Variants in CACNA1C observed in about 807,000 individuals in gnomAD.
CACNA1C encodes calcium voltage-gated channel subunit alpha1 C, also known as voltage-dependent L-type calcium channel subunit alpha-1C.
CACNA1C carries 30 observed loss-of-function variants against 229.0 expected under a neutral mutation model. That is an observed-to-expected ratio of 0.13 (90% CI 0.10 to 0.18). CACNA1C has a LOEUF of 0.18. CACNA1C is among the 10% of genes least tolerant of loss of function. CACNA1C has a pLI of 1.00. For synonymous variants in CACNA1C, 1,114 were observed against 1,132.5 expected, an observed-to-expected ratio of 0.98 and a Z score of 0.33; for missense variants, 1,658 against 2,845.0, an observed-to-expected ratio of 0.58 and a Z score of 9.49.
At chr12:2,592,555 A>C (rs1000241596) in intron 18 of CACNA1C, among the ~76,000 whole-genome samples, 1 of 152,214 alleles carries the variant, frequency 6.6e-6, no homozygotes, top group Admixed American at 6.5e-5. Context: ...CAAGCACAGG[A>C]ATAAGCTGTC....
chr12:2,622,562 C>T (rs1037981863), intron 29 of CACNA1C, among the ~76,000 whole-genome samples: 3 of 152,148 alleles, frequency 2.0e-5, no homozygotes, highest in African/African-American at 7.2e-5. Context: ...TTTCCTTTTC[C>T]CAGCTGTGCA....
In CACNA1C at chr12:2,486,316, C is replaced by A; in HGVS notation, c.916+54C>A. ...AGGCCCTGCCCTCTATCGCTCCCAG[C>A]ACCTTTCCCGCTGCTGGCTACACCA... On this transcript the variant is annotated intron_variant, in intron 6 of 46. Transcript: ENST00000399655. The surrounding 1 kb of genome is among the most constrained non-coding windows in gnomAD (Gnocchi z 4.9). The A allele has an allele frequency of 1.3e-6, 2 of 1,492,502 alleles. No homozygotes were observed. Among genetic ancestry groups the A allele is most frequent in the Non-Finnish European group, 1.8e-6 (2 of 1,089,926 alleles). The allele number at this position is 1,492,502 out of a possible 1,614,324, so 92.5% of individuals were successfully genotyped here. A position where few individuals can be genotyped will look rare whatever the true frequency, so the allele number is the denominator to read the frequency against.
At chr12:2,510,941 G>T (rs2099782395) in intron 8 of CACNA1C, among the ~76,000 whole-genome samples, 1 of 152,308 alleles carries the variant, frequency 6.6e-6, no homozygotes, top group South Asian at 2.1e-4. Context: ...AAGAGGTTAG[G>T]AGGAGAGGGG....
chr12:2,118,783 T>C (rs946872582), intron 2 of CACNA1C, among the ~76,000 whole-genome samples: 1 of 152,204 alleles, frequency 6.6e-6, no homozygotes, highest in Non-Finnish European at 1.5e-5. Flanking sequence ...TTAGTCCGTC[T>C]GGGTTCCGGT....
At chr12:2,097,365 C>G (rs1031479218) in intron 1 of CACNA1C, among the ~76,000 whole-genome samples, 2 of 152,016 alleles carry the variant, frequency 1.3e-5, no homozygotes, top group Non-Finnish European at 2.9e-5. Context: ...CCAGGATAGT[C>G]TCGATCTCCT....
chr12:2,392,519 G>T (rs1307345847), intron 3 of CACNA1C, among the ~76,000 whole-genome samples: 1 of 152,094 alleles, frequency 6.6e-6, no homozygotes. Flanking sequence ...ATCAGCCGGG[G>T]GTGGGTTTCT....
intron 3 of CACNA1C, among the ~76,000 whole-genome samples, chr12:2,305,470 C>T (rs547528322): frequency 3.9e-5 from 6 of 152,340 alleles, no homozygotes; most frequent in Non-Finnish European, 8.8e-5. Context: ...TCCCCATCCT[C>T]ATGTCCTTCT....
intron 3 of CACNA1C, among the ~76,000 whole-genome samples, chr12:2,327,227 G>A (rs1403857624): frequency 1.3e-5 from 2 of 152,214 alleles, no homozygotes; most frequent in African/African-American, 2.4e-5. Flanking sequence ...TGAGATTGAG[G>A]TCCTGGATGC....
intron 9 of CACNA1C, among the ~76,000 whole-genome samples, chr12:2,523,746 C>G (rs1253404226): frequency 6.6e-6 from 1 of 152,212 alleles, no homozygotes; most frequent in Non-Finnish European, 1.5e-5. Flanking sequence ...GCAAATCGAT[C>G]TATACACTTG....
At position 2,649,272 on chromosome 12, in the gene CACNA1C, G is replaced by T. The variant is rs140707143; in HGVS notation, c.3945+765G>T. On this transcript the variant is annotated intron_variant, in intron 31 of 46. Transcript: ENST00000399655. This position sits in a 1 kb window ranked among gnomAD's most constrained non-coding sequence, Gnocchi z 4.4. ...ACCTTGAAGCCTCCTTGGCCCAGCC[G>T]CCTCCAAAAGGCTGCCGTTATGCAT... Among the ~76,000 whole-genome samples the T allele has an allele frequency of 3.3e-5, 5 of 152,192 alleles. No homozygotes were observed. Among genetic ancestry groups the T allele is most frequent in the South Asian group, 2.1e-4 (1 of 4,824 alleles).
In CACNA1C at chr12:2,367,697, CT is replaced by C. The variant is rs530039944; in HGVS notation, c.478-81278del. 2.6e-5 allele frequency among the ~76,000 whole-genome samples: 4 copies of C among 151,906 alleles called. No homozygotes were observed. In the East Asian group the frequency reaches 7.7e-4, roughly 29 times the overall value. ...AAAATACAAAATTTAATTAATTTAC[CT>C]CTGGAAATTTAGAAATAAAAAAGAG... On this transcript the variant is annotated intron_variant, in intron 3 of 46. Coordinates refer to ENST00000399655, the MANE Select transcript of CACNA1C (RefSeq NM_000719.7).
chr12:2,025,662 A>G (rs1044097138), intron 1 of CACNA1C, among the ~76,000 whole-genome samples: 2 of 152,252 alleles, frequency 1.3e-5, no homozygotes, highest in East Asian at 1.9e-4. Context: ...GAAGACTCCA[A>G]TAACTCCTCT....
chr12:2,676,972 A>C, intron 39 of CACNA1C, 122 bp from the exon 40 acceptor site: 1 of 770,262 alleles, frequency 1.3e-6, no homozygotes, highest in Admixed American at 2.4e-5. Flanking sequence ...ATGTGAATGT[A>C]TTACCTCTCC....
At chr12:2,383,747 G>A (rs765037615) in intron 3 of CACNA1C, among the ~76,000 whole-genome samples, 6 of 152,214 alleles carry the variant, frequency 3.9e-5, no homozygotes, top group Non-Finnish European at 5.9e-5. Context: ...CAAAAATACA[G>A]TGAAGTACCC....
chr12:2,663,898 C>G (rs892590820), intron 34 of CACNA1C, among the ~76,000 whole-genome samples: 1 of 152,018 alleles, frequency 6.6e-6, no homozygotes, highest in Non-Finnish European at 1.5e-5. Context: ...CCCACCACCG[C>G]GCCCGGCTAA....
intron 3 of CACNA1C, among the ~76,000 whole-genome samples, chr12:2,264,800 CT>C (rs1259916824): frequency 6.6e-6 from 1 of 152,212 alleles, no homozygotes; most frequent in African/African-American, 2.4e-5. Context: ...CCCCCTTTGG[CT>C]TTGCTATTCC....
At chr12:2,234,710 C>T (rs770374339) in intron 3 of CACNA1C, among the ~76,000 whole-genome samples, 1 of 151,982 alleles carries the variant, frequency 6.6e-6, no homozygotes, top group African/African-American at 2.4e-5. Context: ...AGAACAGCCT[C>T]GTATGTCCCA....
chr12:2,053,769 C>T lies in CACNA1C; in HGVS notation c.49+158C>T, dbSNP rs2053208399. ...CCGCCTCGTCGGAGCGCCCGGGAGC[C>T]CGGCGGGACCGGGGCCCGAACCGCC... On this transcript the variant is annotated intron_variant, in intron 1 of 46. Transcript: ENST00000399655. This position sits in a 1 kb window ranked among gnomAD's most constrained non-coding sequence, Gnocchi z 5.8. 1.3e-5 allele frequency among the ~76,000 whole-genome samples: 2 copies of T among 150,688 alleles called. No individual in the cohort carries two copies. Among genetic ancestry groups the T allele is most frequent in the South Asian group, 4.1e-4 (2 of 4,830 alleles).
intron 3 of CACNA1C, among the ~76,000 whole-genome samples, chr12:2,303,074 G>A (rs745556977): frequency 1.2e-4 from 18 of 152,266 alleles, no homozygotes; most frequent in Non-Finnish European, 2.6e-4. Context: ...GGCCGTGGGA[G>A]CTTCCCTGGT....
Sources: gnomAD v4.1 joint callset for allele counts (sites outside exome capture counted in the v4.1 genomes callset) on GRCh38, gnomAD v4.1.1 for gene constraint, Gnocchi (gnomAD v3.1) non-coding constraint, MANE v1.5 for transcripts, NCBI Gene and HGNC (gene_info 2026-07-23, HGNC 2026-07-21) for gene names.